The following TRA2A variants were observed in gnomAD, a reference collection of about 807,000 sequenced individuals.
The protein encoded by TRA2A is transformer-2 protein homolog alpha.
A neutral mutation model predicts 45.7 loss-of-function variants in TRA2A; 31 were observed. The ratio of observed to expected loss-of-function variants is 0.68; its 90% confidence interval spans 0.51 to 0.92. The LOEUF (loss-of-function observed/expected upper bound fraction) is 0.92. Among genes scored for constraint, TRA2A ranks in the 40% least tolerant of loss-of-function variants. TRA2A has a pLI of 0.00. For missense variants in TRA2A, 304 were observed against 367.5 expected, an observed-to-expected ratio of 0.83 and a Z score of 1.41; for synonymous variants, 132 against 126.2, an observed-to-expected ratio of 1.05 and a Z score of -0.31.
At chr7:23,511,983 A>G (rs1789644937) in intron 4 of TRA2A, among the ~76,000 whole-genome samples, 1 of 152,242 alleles carries the variant, frequency 6.6e-6, no homozygotes, top group Admixed American at 6.5e-5. Context: ...ATTATTTTTT[A>G]AAAGTTAATG....
intron 1 of TRA2A, 162 bp downstream of exon 1, chr7:23,531,600 GGTGTTATCCGTGGTGTTTGGGGAAGGA>G (rs1262763565): frequency 2.9e-5 from 18 of 625,734 alleles, no homozygotes; most frequent in Non-Finnish European, 4.7e-5. Flanking sequence ...AAGGGGGAGG[GGTGTTATCCGTGGTGTTTGGGGAAGGA>G]GTGGAACCCA....
At position 23,512,810 on chromosome 7, in the gene TRA2A, T is replaced by C. The variant is rs1584117467; in HGVS notation, c.525+84A>G. The C allele has an allele frequency of 8.5e-6, 9 of 1,060,384 alleles. No individual in the cohort carries two copies. The Admixed American group carries it at 1.7e-4, about 21-fold the overall frequency. 65.7% of individuals were successfully genotyped at this position (1,060,384 alleles called of 1,614,324 possible). A position where few individuals can be genotyped will look rare whatever the true frequency, so the allele number is the denominator to read the frequency against. ...AAAGAAAAAAAGGAAGAAAAAAGGA[T>C]GCAATGTTTACAGAAATAAGTCTAT... On this transcript the variant is annotated intron_variant, in intron 4 of 7. Transcript: ENST00000297071.
rs5882904 is a variant in TRA2A, at chr7:23,505,585, C to CAAAAAAAAAAAAAAAA, written c.839-32_839-17dup. ...CAATAGCGTCCTAAAAGAGAAAAAG[C>CAAAAAAAAAAAAAAAA]AAAAAAAAAAAAAAAAAAAAAAAGT... On this transcript the variant is annotated splice_polypyrimidine_tract_variant and intron_variant, in intron 7 of 7. Coordinates refer to ENST00000297071, the MANE Select transcript of TRA2A (RefSeq NM_013293.5). The CAAAAAAAAAAAAAAAA allele has an allele frequency of 3.7e-3, 893 of 244,226 alleles. 4 individuals carry two copies. Among genetic ancestry groups the CAAAAAAAAAAAAAAAA allele is most frequent in the South Asian group, 6.1e-3 (60 of 9,776 alleles). 15.1% of individuals were successfully genotyped at this position (244,226 alleles called of 1,614,324 possible). A position where few individuals can be genotyped will look rare whatever the true frequency, so the allele number is the denominator to read the frequency against.
chr7:23,529,198 A>C (rs62468821), intron 1 of TRA2A, among the ~76,000 whole-genome samples: 1 of 152,150 alleles, frequency 6.6e-6, no homozygotes, highest in African/African-American at 2.4e-5. Flanking sequence ...TTATCAAGAC[A>C]TGCAAAGCCA....
chr7:23,514,860 C>T (rs1413041340), intron 3 of TRA2A, among the ~76,000 whole-genome samples: 1 of 152,184 alleles, frequency 6.6e-6, no homozygotes, highest in African/African-American at 2.4e-5. Flanking sequence ...TGACATGCTC[C>T]ACCACAGTTT....
intron 1 of TRA2A, 156 bp downstream of exon 1, chr7:23,531,625 GGAGTGGAA>G: frequency 1.5e-6 from 1 of 684,952 alleles, no homozygotes; most frequent in Non-Finnish European, 2.5e-6. Flanking sequence ...GTTTGGGGAA[GGAGTGGAA>G]CCCAGAAGCC....
chr7:23,523,289 T>G (rs1217309833), intron 1 of TRA2A, among the ~76,000 whole-genome samples: 1 of 152,178 alleles, frequency 6.6e-6, no homozygotes, highest in East Asian at 1.9e-4. Context: ...AGTGATGGGT[T>G]TCTGAAAAAA....
At chr7:23,526,888 A>C (rs1419583009) in intron 1 of TRA2A, among the ~76,000 whole-genome samples, 1 of 152,216 alleles carries the variant, frequency 6.6e-6, no homozygotes, top group Non-Finnish European at 1.5e-5. Flanking sequence ...AAGTCTTATC[A>C]TAAATACATG....
At chr7:23,525,422 G>C (rs2127999906) in intron 1 of TRA2A, among the ~76,000 whole-genome samples, 1 of 152,258 alleles carries the variant, frequency 6.6e-6, no homozygotes, top group South Asian at 2.1e-4. Context: ...TCTGGCTCCT[G>C]CATCCAATAA....
At chr7:23,531,311 C>G (rs1461807252) in intron 1 of TRA2A, 2 of 940,876 alleles carry the variant, frequency 2.1e-6, no homozygotes, top group Non-Finnish European at 2.5e-6. Flanking sequence ...CCAGCTAGTC[C>G]CACGCCAGCT....
At chr7:23,531,482 C>T in intron 1 of TRA2A, 1 of 440,144 alleles carries the variant, frequency 2.3e-6, no homozygotes, top group African/African-American at 2.0e-5. Context: ...GGACCCACAC[C>T]TCGGAGCAGA....
chr7:23,508,114 GA>G (rs1287371657), intron 4 of TRA2A, among the ~76,000 whole-genome samples: 4 of 152,030 alleles, frequency 2.6e-5, no homozygotes, highest in African/African-American at 9.7e-5. Flanking sequence ...GAGCAGCCAA[GA>G]AGAAATGATA....
intron 2 of TRA2A, among the ~76,000 whole-genome samples, chr7:23,517,503 A>AAAAAAAAAAAAAAAAAAGAG (rs764849438): frequency 4.3e-5 from 5 of 116,254 alleles, no homozygotes; most frequent in East Asian, 3.3e-4. Flanking sequence ...AAAAAAAAAA[A>AAAAAAAAAAAAAAAAAAGAG]AGAGAGAAAG....
At chr7:23,527,967 G>T (rs944020982) in intron 1 of TRA2A, among the ~76,000 whole-genome samples, 5 of 151,996 alleles carry the variant, frequency 3.3e-5, no homozygotes, top group Non-Finnish European at 7.4e-5. Flanking sequence ...ACAACTGAAA[G>T]CATTAAAATC....
intron 1 of TRA2A, among the ~76,000 whole-genome samples, chr7:23,529,089 T>C (rs1049917544): frequency 3.3e-5 from 5 of 152,176 alleles, no homozygotes; most frequent in Admixed American, 6.5e-5. Flanking sequence ...TAAGAAAAGA[T>C]TTCCATTCCC....
chr7:23,518,837 C>T (rs983828544), intron 2 of TRA2A, among the ~76,000 whole-genome samples: 1 of 151,910 alleles, frequency 6.6e-6, no homozygotes, highest in African/African-American at 2.4e-5. Context: ...GGGCCTGTGC[C>T]ACCACACCTG....
chr7:23,519,885 A>AATTTAAAACATCAATTATTACT (rs1344514536), intron 2 of TRA2A, among the ~76,000 whole-genome samples: 3 of 152,242 alleles, frequency 2.0e-5, no homozygotes, highest in Non-Finnish European at 4.4e-5. Flanking sequence ...GAAAATCCTT[A>AATTTAAAACATCAATTATTACT]ATTTAAAACA....
At position 23,505,318 on chromosome 7, in the gene TRA2A, T is replaced by C. The variant is rs577970507; in HGVS notation, c.*241A>G. The C allele has an allele frequency of 1.3e-5, 5 of 395,186 alleles. No homozygotes were observed. Among genetic ancestry groups the C allele is most frequent in the African/African-American group, 8.3e-5 (4 of 48,176 alleles). 24.5% of individuals were successfully genotyped at this position (395,186 alleles called of 1,614,324 possible). On this transcript the variant is annotated 3_prime_UTR_variant, in exon 8 of 8. Coordinates refer to ENST00000297071, the MANE Select transcript of TRA2A (RefSeq NM_013293.5). ...AAAATTTACAAAGCATAACATAACA[T>C]TGGGGTTCTTTTTATACTCAAGATG...
rs530473549 is a variant in TRA2A, at chr7:23,516,441, T to C, written c.258A>G (p.Ser86=). Residue 86 remains serine, a synonymous_variant, in exon 3 of 8, where the codon TCA becomes TCG. Transcript: ENST00000297071. ...TTCGCCGCCGGTATTCTGGTGTATA[T>C]GATCTACTTCGAGATCGTCTCCTAT... The part of the protein sequence containing the change: ...HSHRRRSRSR[S]YTPEYRRRRS... The C allele has an allele frequency of 4.5e-5, 73 of 1,614,244 alleles. No individual in the cohort carries two copies. The East Asian group carries it at 1.3e-3, about 28-fold the overall frequency.
Sources: allele counts gnomAD v4.1 joint callset (sites outside exome capture counted in the v4.1 genomes callset), GRCh38; gene constraint gnomAD v4.1.1; transcripts MANE v1.5; gene names NCBI Gene and HGNC (gene_info 2026-07-23, HGNC 2026-07-21).